Variants in TFEC observed in about 807,000 individuals in gnomAD.
The protein encoded by TFEC is transcription factor EC.
Under a neutral mutation model 41.6 loss-of-function variants are expected in TFEC, and 31 were observed. The ratio of observed to expected loss-of-function variants is 0.74; its 90% CI spans 0.56 to 1.01. The LOEUF is 1.01. TFEC is among the 50% of genes least tolerant of loss of function. The pLI, the probability that TFEC is intolerant of heterozygous loss-of-function variation, is 0.00. For missense variants in TFEC, 402 were observed against 404.1 expected (o/e 0.99, Z 0.04); for synonymous variants, 143 against 140.6 (o/e 1.02, Z -0.12).
chr7:116,064,254 A>G (rs1796640026), intron 3 of TFEC, among the ~76,000 whole-genome samples: 1 of 152,014 alleles, frequency 6.6e-6, no homozygotes, highest in South Asian at 2.1e-4. Context: ...AAAGTATTTG[A>G]GGTAAGGCAT....
chr7:115,955,330 G>C (rs1042164702), intron 4 of TFEC, among the ~76,000 whole-genome samples: 1 of 152,050 alleles, frequency 6.6e-6, no homozygotes, highest in African/African-American at 2.4e-5. Context: ...TGACTAGTAT[G>C]GTATCCAAGG....
Position 115,947,508 on chromosome 7 carries a change from A to AT in TFEC, c.515+3365dup, listed in dbSNP as rs918709348. On this transcript the variant is annotated intron_variant, in intron 6 of 7. Transcript: ENST00000265440. ...AGGAATCGCCACACTGACTTCCACA[A>AT]TGGCTGAACTAGTTTACAGTCCCAC... 3.5e-4 allele frequency among the ~76,000 whole-genome samples: 53 copies of AT among 151,666 alleles called. 3 individuals carry two copies.
At chr7:116,135,391 T>C (rs1329618139) in intron 1 of TFEC, among the ~76,000 whole-genome samples, 1 of 152,162 alleles carries the variant, frequency 6.6e-6, no homozygotes, top group Non-Finnish European at 1.5e-5. Flanking sequence ...AAGGTTGTTT[T>C]ATTCTCTACC....
At chr7:116,007,804 C>T (rs1240321743) in intron 1 of TFEC, among the ~76,000 whole-genome samples, 1 of 152,136 alleles carries the variant, frequency 6.6e-6, no homozygotes, top group Non-Finnish European at 1.5e-5. Context: ...ATTGTGATAA[C>T]ATCATACAAA....
intron 7 of TFEC, chr7:115,941,190 A>G (rs889812022): frequency 1.1e-5 from 4 of 355,460 alleles, no homozygotes; most frequent in African/African-American, 8.4e-5. Flanking sequence ...ATGGTTCCAT[A>G]GTGGCTCAGA....
intron 3 of TFEC, among the ~76,000 whole-genome samples, chr7:116,044,289 G>A (rs550927303): frequency 1.3e-5 from 2 of 152,264 alleles, no homozygotes; most frequent in East Asian, 3.9e-4. Context: ...AGCTAATAAT[G>A]TGTTACCCCT....
intron 1 of TFEC, among the ~76,000 whole-genome samples, chr7:116,006,270 G>A (rs1794786187): frequency 6.6e-6 from 1 of 152,154 alleles, no homozygotes; most frequent in South Asian, 2.1e-4. Flanking sequence ...CCATGCACCT[G>A]GAAAAGCTTC....
In TFEC at chr7:116,073,911, C is replaced by A. The variant is rs936147860; in HGVS notation, c.198+36797G>T. On this transcript the variant is annotated intron_variant, in intron 3 of 8. Transcript: ENST00000484212. ...GAATAAAATGGAGTCTAGAAATAAACCCTTACATTTATGGTCAATTGACTT... is the reference window on the plus strand; with the variant it reads ...GAATAAAATGGAGTCTAGAAATAAAACCTTACATTTATGGTCAATTGACTT... 2.6e-5 allele frequency among the ~76,000 whole-genome samples: 4 copies of A among 151,644 alleles called. No individual in the cohort carries two copies. In the East Asian group the frequency reaches 7.7e-4, roughly 29 times the overall value.
chr7:116,140,785 G>A (rs1457894681), intron 1 of TFEC, among the ~76,000 whole-genome samples: 3 of 152,164 alleles, frequency 2.0e-5, no homozygotes, highest in Non-Finnish European at 2.9e-5. Flanking sequence ...TATGTGCACT[G>A]TAGCATTTCA....
At chr7:115,941,642 C>T in intron 7 of TFEC, 1 of 444,708 alleles carries the variant, frequency 2.2e-6, no homozygotes, top group Non-Finnish European at 3.9e-6. Context: ...CACACATACA[C>T]ACATATATAC....
chr7:115,967,139 GT>G (rs1034891129), intron 3 of TFEC, among the ~76,000 whole-genome samples: 15 of 151,326 alleles, frequency 9.9e-5, no homozygotes, highest in African/African-American at 3.4e-4. Context: ...ATACAAAAAT[GT>G]AAAAAAGTCT....
At chr7:116,001,797 T>A (rs1401391619) in intron 1 of TFEC, among the ~76,000 whole-genome samples, 1 of 152,012 alleles carries the variant, frequency 6.6e-6, no homozygotes, top group African/African-American at 2.4e-5. Flanking sequence ...AAACACTCTA[T>A]AGAAAAAAAT....
Position 115,940,330 on chromosome 7 carries a change from C to T in TFEC, c.*221G>A, listed in dbSNP as rs1793423198. 5 of 455,176 alleles carry T rather than the reference C, an allele frequency of 1.1e-5. No individual in the cohort carries two copies. Among genetic ancestry groups the T allele is most frequent in the South Asian group, 3.6e-5 (1 of 27,622 alleles). 28.2% of individuals were successfully genotyped at this position (455,176 alleles called of 1,614,324 possible). The stretch of plus-strand genomic sequence containing the variant: ...ACAGAATTTAAGTGGATTTGGACTC[C>T]GTAGTCAAAGAAGAAAACACCTTTT... On this transcript the variant is annotated 3_prime_UTR_variant, in exon 8 of 8. Coordinates refer to ENST00000265440, the MANE Select transcript of TFEC (RefSeq NM_012252.4).
intron 1 of TFEC, 57 bp from the exon 2 acceptor site, chr7:115,984,570 T>A: frequency 1.9e-6 from 3 of 1,565,238 alleles, no homozygotes; most frequent in East Asian, 2.3e-5. Flanking sequence ...AAATTAGAGT[T>A]CTCCTTTCCA....
intron 3 of TFEC, among the ~76,000 whole-genome samples, chr7:116,048,757 A>C (rs1283670771): frequency 6.6e-6 from 1 of 152,252 alleles, no homozygotes; most frequent in Non-Finnish European, 1.5e-5. Context: ...CACAAAGGGA[A>C]GCCCATCAGA....
chr7:115,962,720 A>T (rs1486049890), intron 3 of TFEC, among the ~76,000 whole-genome samples: 1 of 151,854 alleles, frequency 6.6e-6, no homozygotes, highest in Admixed American at 6.6e-5. Context: ...AACATAAGAA[A>T]AAAATCTATA....
At chr7:115,956,650 A>G (rs529349525) in intron 4 of TFEC, 29 bp downstream of exon 4, 2 of 1,512,694 alleles carry the variant, frequency 1.3e-6, no homozygotes, top group Non-Finnish European at 1.8e-6. Context: ...ATAAAAATAA[A>G]AAGGGTAAAA....
intron 1 of TFEC, among the ~76,000 whole-genome samples, chr7:116,118,045 A>G (rs1214228467): frequency 6.6e-6 from 1 of 151,864 alleles, no homozygotes; most frequent in African/African-American, 2.4e-5. Context: ...AATGATAACT[A>G]TTTTGCCCCT....
intron 1 of TFEC, among the ~76,000 whole-genome samples, chr7:116,126,360 A>G (rs972706710): frequency 1.3e-5 from 2 of 152,180 alleles, no homozygotes; most frequent in African/African-American, 4.8e-5. Context: ...AAAAGAAGGG[A>G]AAAAGTAAGA....
Sources: gnomAD v4.1 joint callset for allele counts (sites outside exome capture counted in the v4.1 genomes callset) on GRCh38, gnomAD v4.1.1 for gene constraint, MANE v1.5 for transcripts, NCBI Gene and HGNC (gene_info 2026-07-23, HGNC 2026-07-21) for gene names.